The following ADGRL2 variants were observed in gnomAD, a reference collection of about 807,000 sequenced individuals.
ADGRL2 encodes calcium-independent alpha-latrotoxin receptor 2.
ADGRL2 carries 44 observed loss-of-function variants against 157.4 expected under a neutral mutation model. That is an observed-to-expected ratio of 0.28 (90% confidence interval 0.22 to 0.36). ADGRL2 has a LOEUF of 0.36. ADGRL2 is among the 10% of genes least tolerant of loss of function. ADGRL2 has a pLI of 1.00. For missense variants in ADGRL2, 1,510 were observed against 1,768.9 expected, an observed-to-expected ratio of 0.85 and a Z score of 2.63; for synonymous variants, 585 against 624.7, an observed-to-expected ratio of 0.94 and a Z score of 0.95.
chr1:81,597,212 G>A (rs1011763150), intron 3 of ADGRL2, among the ~76,000 whole-genome samples: 1 of 152,126 alleles, frequency 6.6e-6, no homozygotes, highest in African/African-American at 2.4e-5. Flanking sequence ...TGGTGTTACA[G>A]TAGCAGTTAA....
At chr1:81,958,944 T>G (rs1572371160) in intron 11 of ADGRL2, among the ~76,000 whole-genome samples, 2 of 152,368 alleles carry the variant, frequency 1.3e-5, no homozygotes, top group African/African-American at 2.4e-5. Flanking sequence ...TTTTTGAAAT[T>G]TATCCATATA....
chr1:81,951,242 A>G, intron 8 of ADGRL2, 121 bp downstream of exon 8: 1 of 613,366 alleles, frequency 1.6e-6, no homozygotes. Context: ...TAAAAGTAAA[A>G]AAAAATTACG....
intron 18 of ADGRL2, chr1:81,981,149 A>G (rs1329114239): frequency 2.4e-6 from 1 of 418,762 alleles, no homozygotes; most frequent in Non-Finnish European, 4.9e-6. Context: ...GCCATTTATC[A>G]AGTAAGATCA....
At chr1:81,603,287 A>G (rs1183322338) in intron 3 of ADGRL2, among the ~76,000 whole-genome samples, 1 of 152,106 alleles carries the variant, frequency 6.6e-6, no homozygotes, top group Non-Finnish European at 1.5e-5. Context: ...ACTTTATTGT[A>G]CTTTCCTTAT....
intron 3 of ADGRL2, among the ~76,000 whole-genome samples, chr1:81,677,100 C>T (rs888815504): frequency 5.9e-5 from 9 of 152,120 alleles, no homozygotes; most frequent in African/African-American, 1.9e-4. Context: ...ATTCTCCTGC[C>T]TCGGCCTCCC....
chr1:81,806,512 A>T (rs989328700), intron 1 of ADGRL2, among the ~76,000 whole-genome samples: 2 of 152,168 alleles, frequency 1.3e-5, no homozygotes, highest in Non-Finnish European at 2.9e-5. Flanking sequence ...ATAGCGTTTT[A>T]GTATCTTAAT....
intron 1 of ADGRL2, among the ~76,000 whole-genome samples, chr1:81,399,479 C>A (rs1213512696): frequency 6.6e-6 from 1 of 151,810 alleles, no homozygotes; most frequent in Non-Finnish European, 1.5e-5. Context: ...ACTATTCTTT[C>A]TTATTTCCTT....
intron 1 of ADGRL2, among the ~76,000 whole-genome samples, chr1:81,701,796 G>A (rs2083583027): frequency 6.6e-6 from 1 of 152,196 alleles, no homozygotes. Flanking sequence ...AGCAGAGGAT[G>A]TACTATAGTA....
At chr1:81,889,791 G>A (rs1398077295) in intron 2 of ADGRL2, among the ~76,000 whole-genome samples, 1 of 152,158 alleles carries the variant, frequency 6.6e-6, no homozygotes, top group African/African-American at 2.4e-5. Flanking sequence ...CTTGTTAGGG[G>A]CTAATGCAGC....
intron 2 of ADGRL2, among the ~76,000 whole-genome samples, chr1:81,561,700 T>C (rs1200424961): frequency 6.6e-6 from 1 of 152,118 alleles, no homozygotes; most frequent in African/African-American, 2.4e-5. Flanking sequence ...CCTCAGGTGA[T>C]CCACCCGCCT....
chr1:81,785,657 A>G (rs2087008663), intron 2 of ADGRL2, among the ~76,000 whole-genome samples: 1 of 151,264 alleles, frequency 6.6e-6, no homozygotes, highest in Non-Finnish European at 1.5e-5. Context: ...GAGCCCAGGA[A>G]TTCCAGAGGG....
intron 2 of ADGRL2, among the ~76,000 whole-genome samples, chr1:81,859,663 C>T (rs1384905656): frequency 2.6e-5 from 4 of 152,074 alleles, no homozygotes; most frequent in Non-Finnish European, 5.9e-5. Context: ...CCACCTTGGC[C>T]TCCCAAAGTG....
At chr1:81,391,686 T>C (rs2076563007) in intron 1 of ADGRL2, among the ~76,000 whole-genome samples, 1 of 152,044 alleles carries the variant, frequency 6.6e-6, no homozygotes, top group South Asian at 2.1e-4. Flanking sequence ...GACTAACAAC[T>C]GACAATTTAG....
At chr1:81,597,535 C>T (rs935007829) in intron 3 of ADGRL2, among the ~76,000 whole-genome samples, 3 of 152,078 alleles carry the variant, frequency 2.0e-5, no homozygotes, top group African/African-American at 7.2e-5. Flanking sequence ...TCATTTGATC[C>T]TCATAATAAC....
chr1:81,701,593 T>G (rs58375381), intron 1 of ADGRL2, among the ~76,000 whole-genome samples: 2,677 of 152,250 alleles, frequency 0.018, 33 homozygotes, highest in South Asian at 0.054. Flanking sequence ...TTCCCAACTA[T>G]CTGGACAACA....
At chr1:81,460,275 C>CTA (rs1170776598) in intron 2 of ADGRL2, among the ~76,000 whole-genome samples, 1 of 151,234 alleles carries the variant, frequency 6.6e-6, no homozygotes, top group Non-Finnish European at 1.5e-5. Flanking sequence ...TTATATAACA[C>CTA]TATATATATA....
intron 2 of ADGRL2, among the ~76,000 whole-genome samples, chr1:81,548,420 T>A (rs1014042973): frequency 6.6e-6 from 1 of 151,616 alleles, no homozygotes; most frequent in Non-Finnish European, 1.5e-5. Context: ...CATATGCAAG[T>A]TATAATTGTG....
intron 3 of ADGRL2, among the ~76,000 whole-genome samples, chr1:81,664,459 C>A (rs1409275263): frequency 6.6e-6 from 1 of 152,118 alleles, no homozygotes. Flanking sequence ...CCTTCTGAAA[C>A]AATCAGTGAC....
intron 2 of ADGRL2, among the ~76,000 whole-genome samples, chr1:81,517,978 G>A (rs937035936): frequency 1.3e-5 from 2 of 152,228 alleles, no homozygotes; most frequent in Admixed American, 1.3e-4. Context: ...TCTCTGGGAG[G>A]AAAGTTAGCA....
Sources: gnomAD v4.1 joint callset for allele counts (sites outside exome capture counted in the v4.1 genomes callset) on GRCh38, gnomAD v4.1.1 for gene constraint, MANE v1.5 for transcripts, NCBI Gene and HGNC (gene_info 2026-07-23, HGNC 2026-07-21) for gene names.